PRDM16: variants seen among roughly 807,000 people sequenced by gnomAD.
PRDM16 encodes histone-lysine N-methyltransferase PRDM16.
Under a neutral mutation model 110.6 loss-of-function variants are expected in PRDM16, and 23 were observed. The observed-to-expected ratio is 0.21, with a 90% CI of 0.15 to 0.29. The LOEUF is 0.29. Ranked by LOEUF, PRDM16 falls within the 10% of genes least tolerant of loss-of-function variation. The pLI, the probability that PRDM16 is intolerant of heterozygous loss-of-function variation, is 1.00. For missense variants in PRDM16, 1,615 were observed against 1,794.3 expected (o/e 0.90, Z 1.81); for synonymous variants, 799 against 781.8 (o/e 1.02, Z -0.37).
chr1:3,233,255 G>A (rs1022913868), intron 2 of PRDM16, among the ~76,000 whole-genome samples: 1 of 152,190 alleles, frequency 6.6e-6, no homozygotes, highest in Non-Finnish European at 1.5e-5. Context: ...TCGTCGGTGT[G>A]GAGGAGGGAC....
intron 2 of PRDM16, among the ~76,000 whole-genome samples, chr1:3,212,788 G>A (rs1638929376): frequency 6.6e-6 from 1 of 152,098 alleles, no homozygotes; most frequent in African/African-American, 2.4e-5. Context: ...CGCTACCTCG[G>A]CGTGGCTCTG....
chr1:3,148,274 C>CAGGTCGGG lies in PRDM16; in HGVS notation c.38-37850_38-37843dup, dbSNP rs1369514061. ...CATGCCCTGGTGGCCCTGGTGAGAGCAGGTCGGGTGCCAGGACAGAGCAGC... is the reference window on the plus strand; with the variant it reads ...CATGCCCTGGTGGCCCTGGTGAGAGCAGGTCGGGAGGTCGGGTGCCAGGACAGAGCAGC... On this transcript the variant is annotated intron_variant, in intron 1 of 16. Transcript: ENST00000270722. This position sits in a 1 kb window ranked among gnomAD's most constrained non-coding sequence, Gnocchi z 5.0. 6.6e-6 allele frequency among the ~76,000 whole-genome samples: 1 copy of CAGGTCGGG among 152,126 alleles called. No individual in the cohort carries two copies. The highest frequency in any genetic ancestry group is 1.5e-5 in the Non-Finnish European group (1 of 68,000).
chr1:3,415,058 G>A lies in PRDM16; in HGVS notation c.2691+411G>A, dbSNP rs571750856. On this transcript the variant is annotated intron_variant, in intron 10 of 16. Coordinates refer to ENST00000270722, the MANE Select transcript of PRDM16 (RefSeq NM_022114.4). ...GGACCTGAGTATGTTCAAATGGACC[G>A]GAAGAGAGGAAGGGCCTGAGCATGC... 7.2e-5 allele frequency among the ~76,000 whole-genome samples: 11 copies of A among 152,340 alleles called. No homozygotes were observed. The South Asian group carries it at 1.0e-3, about 14-fold the overall frequency.
chr1:3,255,594 C>G lies in PRDM16; in HGVS notation c.438+11457C>G, dbSNP rs188127453. ...CATCCCCTAACTCTGTGGCTCGAAA[C>G]AGCACACGGTGCCCCTCCTTATCGC... On this transcript the variant is annotated intron_variant, in intron 3 of 16. Coordinates refer to ENST00000270722, the MANE Select transcript of PRDM16 (RefSeq NM_022114.4). This position sits in a 1 kb window ranked among gnomAD's most constrained non-coding sequence, Gnocchi z 4.7. 5.5e-3 allele frequency among the ~76,000 whole-genome samples: 841 copies of G among 152,338 alleles called. 9 individuals carry two copies. The highest frequency in any genetic ancestry group is 0.019 in the African/African-American group (797 of 41,584).
At chr1:3,342,097 C>T (rs2500259) in intron 3 of PRDM16, among the ~76,000 whole-genome samples, 50,267 of 152,020 alleles carry the variant, frequency 0.33, 8,604 homozygotes, top group South Asian at 0.47. Flanking sequence ...TAGGGAAACC[C>T]AGGGTGCACG....
At chr1:3,302,832 G>A (rs982795162) in intron 3 of PRDM16, among the ~76,000 whole-genome samples, 5 of 152,182 alleles carry the variant, frequency 3.3e-5, no homozygotes, top group African/African-American at 9.7e-5. Flanking sequence ...GACCCCAGCT[G>A]GGAGCACACA....
At position 3,286,740 on chromosome 1, in the gene PRDM16, G is replaced by T. The variant is rs185665112; in HGVS notation, c.438+42603G>T. 2.7e-3 allele frequency among the ~76,000 whole-genome samples: 413 copies of T among 152,270 alleles called. 5 individuals are homozygous for T. The highest frequency in any genetic ancestry group is 2.0e-3 in the Non-Finnish European group (134 of 68,014). On this transcript the variant is annotated intron_variant, in intron 3 of 16. Transcript: ENST00000270722. ...TCATACCGACAGCCTCTACGTGCTGGGCGCTTAACTCACAGGAGACCTGCA... is the reference window on the plus strand; with the variant it reads ...TCATACCGACAGCCTCTACGTGCTGTGCGCTTAACTCACAGGAGACCTGCA...
chr1:3,351,532 C>CTCTCTCCCCTTCCCTCTCT (rs1642481493), intron 3 of PRDM16, among the ~76,000 whole-genome samples: 1 of 2,726 alleles, frequency 3.7e-4, no homozygotes, highest in African/African-American at 9.6e-4. Context: ...CCGTCTCTGT[C>CTCTCTCCCCTTCCCTCTCT]CCCCTCCCTC....
At chr1:3,248,605 C>A (rs1049196294) in intron 3 of PRDM16, among the ~76,000 whole-genome samples, 1 of 152,158 alleles carries the variant, frequency 6.6e-6, no homozygotes, top group Non-Finnish European at 1.5e-5. Context: ...AAAAATAAAT[C>A]GAGCTAATAA....
In PRDM16 at chr1:3,286,657, G is replaced by A. The variant is rs188790879; in HGVS notation, c.438+42520G>A. On this transcript the variant is annotated intron_variant, in intron 3 of 16. Transcript: ENST00000270722. ...TGAGGGCCTGGGGGTTCAGCCTTCTGCACCCCCAAGTTCCTCCCACACCAA... is the reference window on the plus strand; with the variant it reads ...TGAGGGCCTGGGGGTTCAGCCTTCTACACCCCCAAGTTCCTCCCACACCAA... Among the ~76,000 whole-genome samples, 546 of 150,066 alleles carry A rather than the reference G, an allele frequency of 3.6e-3. 2 individuals are homozygous for A. The highest frequency in any genetic ancestry group is 6.0e-3 in the Non-Finnish European group (410 of 67,972).
At chr1:3,135,361 C>T (rs957870329) in intron 1 of PRDM16, among the ~76,000 whole-genome samples, 4 of 152,182 alleles carry the variant, frequency 2.6e-5, no homozygotes, top group African/African-American at 7.2e-5. Flanking sequence ...TTGCAGACAC[C>T]GACCACGGGC....
chr1:3,185,813 CG>C (rs1377046994), intron 1 of PRDM16, among the ~76,000 whole-genome samples: 1 of 152,224 alleles, frequency 6.6e-6, no homozygotes, highest in Admixed American at 6.5e-5. Context: ...GACCACCCGG[CG>C]CATCCTCAGG....
rs117822291 is a variant in PRDM16, at chr1:3,360,659, C to T, written c.439-24493C>T. On this transcript the variant is annotated intron_variant, in intron 3 of 16. Coordinates refer to ENST00000270722, the MANE Select transcript of PRDM16 (RefSeq NM_022114.4). ...CCACTCTGATGCCCTCCCTAGGTCC[C>T]GTGGGGAGGAGAGAAGGCTACGTGG... Among the ~76,000 whole-genome samples the T allele has an allele frequency of 6.6e-3, 1,001 of 152,304 alleles. 17 individuals are homozygous for T. The highest frequency in any genetic ancestry group is 0.06 in the South Asian group (290 of 4,832).
chr1:3,378,131 G>C (rs1173727328), intron 3 of PRDM16, among the ~76,000 whole-genome samples: 1 of 152,244 alleles, frequency 6.6e-6, no homozygotes, highest in Non-Finnish European at 1.5e-5. Context: ...ACCTGGTACA[G>C]TAAGGAGCCT....
chr1:3,076,340 T>C (rs1445124750), intron 1 of PRDM16, among the ~76,000 whole-genome samples: 1 of 152,176 alleles, frequency 6.6e-6, no homozygotes, highest in Non-Finnish European at 1.5e-5. Context: ...GGTGGGGACC[T>C]GGGGCTCTCA....
rs1875450 is a variant in PRDM16, at chr1:3,190,870, C to T, written c.387+4396C>T. Among the ~76,000 whole-genome samples, 8 of 152,368 alleles carry T rather than the reference C, an allele frequency of 5.3e-5. No homozygotes were observed. In the South Asian group the frequency reaches 1.2e-3, roughly 24 times the overall value. ...TTTTGCTAATTAAGAGGCGGCTGCC[C>T]GGTGACAGCCCAGAGGGAGGAGGCC... On this transcript the variant is annotated intron_variant, in intron 2 of 16. Coordinates refer to ENST00000270722, the MANE Select transcript of PRDM16 (RefSeq NM_022114.4). The surrounding 1 kb of genome is among the most constrained non-coding windows in gnomAD (Gnocchi z 5.0).
intron 1 of PRDM16, among the ~76,000 whole-genome samples, chr1:3,098,955 G>C (rs927244124): frequency 3.9e-5 from 6 of 152,244 alleles, no homozygotes; most frequent in Non-Finnish European, 8.8e-5. Flanking sequence ...TTGAGTGGCT[G>C]AGCGGCCTCA....
chr1:3,183,484 C>G (rs887631195), intron 1 of PRDM16, among the ~76,000 whole-genome samples: 2 of 152,208 alleles, frequency 1.3e-5, no homozygotes, highest in Non-Finnish European at 2.9e-5. Context: ...TCTCACCCAC[C>G]CTTGAAAGAA....
At chr1:3,100,305 A>C (rs904531823) in intron 1 of PRDM16, among the ~76,000 whole-genome samples, 1 of 152,200 alleles carries the variant, frequency 6.6e-6, no homozygotes, top group Non-Finnish European at 1.5e-5. Context: ...TTCGCTCTTC[A>C]TAAAACGCAG....
Sources: gnomAD v4.1 joint callset for allele counts (sites outside exome capture counted in the v4.1 genomes callset) on GRCh38, gnomAD v4.1.1 for gene constraint, Gnocchi (gnomAD v3.1) non-coding constraint, MANE v1.5 for transcripts, NCBI Gene and HGNC (gene_info 2026-07-23, HGNC 2026-07-21) for gene names.